ZDHHC8: variants seen among roughly 807,000 people sequenced by gnomAD.
ZDHHC8 encodes zDHHC palmitoyltransferase 8.
A neutral mutation model predicts 61.2 loss-of-function variants in ZDHHC8; 24 were observed. That is an observed-to-expected ratio of 0.39 (90% CI 0.28 to 0.55). The LOEUF (loss-of-function observed/expected upper bound fraction) is 0.55, where lower values mean the gene tolerates loss of function less well. Among genes scored for constraint, ZDHHC8 ranks in the 20% least tolerant of loss-of-function variants. The pLI is 0.60. For missense variants in ZDHHC8, 935 were observed against 1,102.1 expected (o/e 0.85, Z 2.15); for synonymous variants, 523 against 492.5 (o/e 1.06, Z -0.82).
chr22:20,142,960 G>A lies in ZDHHC8; in HGVS notation c.1330G>A (p.Asp444Asn), dbSNP rs752614004. The change falls in exon 10 of 11, where the codon GAT becomes AAT. Residue 444 changes from aspartate to asparagine, a missense_variant. Physicochemically the swap from Asp to Asn is conservative, Grantham distance 23 (BLOSUM62 1). This residue lies in a region of ZDHHC8 where 692 missense variants were observed against 731.4 expected (regional missense o/e 0.95). Coordinates refer to ENST00000334554, the MANE Select transcript of ZDHHC8 (RefSeq NM_013373.4). ...CAAGGCCTCGAGCCGGCGGGGCGGG[G>A]ATCATGTGGCCCTGCAGCCCCTGCG... ...SLKASSRRGG[D>N]HVALQPLRSE... The A allele has an allele frequency of 5.6e-6, 9 of 1,601,642 alleles. No individual in the cohort carries two copies. Among genetic ancestry groups the A allele is most frequent in the South Asian group, 1.1e-5 (1 of 90,346 alleles).
At position 20,139,791 on chromosome 22, in the gene ZDHHC8, C is replaced by T. The variant is rs774860100; in HGVS notation, c.456C>T (p.Phe152=). 9.5e-5 allele frequency: 153 copies of T among 1,613,160 alleles called. 1 individual carries two copies. The highest frequency in any genetic ancestry group is 1.6e-4 in the Middle Eastern group (1 of 6,084). Residue 152 remains phenylalanine (F), a synonymous_variant, in exon 4 of 11, where the codon TTC becomes TTT. Coordinates refer to ENST00000334554, the MANE Select transcript of ZDHHC8 (RefSeq NM_013373.4). ...GRRNYRYFFL[F]LLSLSAHMVG... Reference sequence around the variant, plus strand: ...GAAACTATCGCTACTTCTTCCTGTTCCTGCTGTCACTCAGTGCACACATGG... The same window carrying T: ...GAAACTATCGCTACTTCTTCCTGTTTCTGCTGTCACTCAGTGCACACATGG...
intron 1 of ZDHHC8, among the ~76,000 whole-genome samples, chr22:20,132,446 G>A (rs2050385140): frequency 6.6e-6 from 1 of 152,248 alleles, no homozygotes; most frequent in Non-Finnish European, 1.5e-5. Context: ...TCTGCAGGTG[G>A]CCGTGGGTGC....
In ZDHHC8 at chr22:20,134,778, G is replaced by T. The variant is rs560150866; in HGVS notation, c.104+2727G>T. On this transcript the variant is annotated intron_variant, in intron 1 of 10. Transcript: ENST00000334554. The stretch of plus-strand genomic sequence containing the variant: ...CCCTCCCTCAGCCAGATCGCCAAGG[G>T]TCTTGGGACCAGCAGGACATTCACA... Among the ~76,000 whole-genome samples, 6 of 152,328 alleles carry T rather than the reference G, an allele frequency of 3.9e-5. No homozygotes were observed. The East Asian group carries it at 7.7e-4, about 20-fold the overall frequency.
intron 10 of ZDHHC8, among the ~76,000 whole-genome samples, chr22:20,144,663 G>T (rs1269807734): frequency 6.6e-6 from 1 of 152,218 alleles, no homozygotes; most frequent in Non-Finnish European, 1.5e-5. Flanking sequence ...TGGGGAGGAG[G>T]CTGCCACTGG....
At position 20,146,082 on chromosome 22, in the gene ZDHHC8, G is replaced by C. The variant is rs1391946002; in HGVS notation, c.*682G>C. On this transcript the variant is annotated 3_prime_UTR_variant, in exon 11 of 11. Transcript: ENST00000334554. ...TGTCTGATGTGTCAGTGCTCCGGCC[G>C]CCGCTGTCCCTTTCATCAAAGCCTT... is the stretch of plus-strand genomic sequence containing the variant. 1 of 985,844 alleles carries C rather than the reference G, an allele frequency of 1.0e-6. No homozygotes were observed. The highest frequency in any genetic ancestry group is 1.1e-4 in the East Asian group (1 of 8,820). 61.1% of individuals were successfully genotyped at this position (985,844 alleles called of 1,614,324 possible).
At chr22:20,141,577 C>T (rs984485069) in intron 9 of ZDHHC8, 47 bp downstream of exon 9, 74 of 1,510,236 alleles carry the variant, frequency 4.9e-5, no homozygotes, top group South Asian at 1.4e-4. Flanking sequence ...CCCCCAGGCC[C>T]GCCTCTAGGA....
rs117932593 is a variant in ZDHHC8, at chr22:20,142,355, T to C, written c.1126-401T>C. On this transcript the variant is annotated intron_variant, in intron 9 of 10. Transcript: ENST00000334554. Reference sequence around the variant, plus strand: ...ATTGGGTCTGGTTGGCCAAGTGCATTGAGCCCACATTTGCCCTGATCCACT... The same window carrying C: ...ATTGGGTCTGGTTGGCCAAGTGCATCGAGCCCACATTTGCCCTGATCCACT... 9.8e-4 allele frequency among the ~76,000 whole-genome samples: 149 copies of C among 152,296 alleles called. 1 individual carries two copies. The East Asian group carries it at 0.027, about 28-fold the overall frequency.
chr22:20,134,641 C>T (rs1184293183), intron 1 of ZDHHC8, among the ~76,000 whole-genome samples: 1 of 152,266 alleles, frequency 6.6e-6, no homozygotes, highest in Non-Finnish European at 1.5e-5. Context: ...CCCCTCTCTG[C>T]ACTCAGTAAA....
intron 10 of ZDHHC8, 86 bp downstream of exon 10, chr22:20,143,842 A>G (rs2050498470): frequency 7.0e-7 from 1 of 1,438,666 alleles, no homozygotes; most frequent in Non-Finnish European, 9.2e-7. Context: ...GGGCACTCAT[A>G]GGTCATCCCA....
chr22:20,140,315 C>T, intron 5 of ZDHHC8, 98 bp downstream of exon 5: 1 of 1,245,732 alleles, frequency 8.0e-7, no homozygotes, highest in African/African-American at 1.5e-5. Flanking sequence ...CCTGAGGTAG[C>T]TTGTGCAGCT....
intron 10 of ZDHHC8, among the ~76,000 whole-genome samples, 166 bp from the exon 11 acceptor site, chr22:20,145,063 C>G (rs1366285176): frequency 1.3e-5 from 2 of 152,200 alleles, no homozygotes; most frequent in African/African-American, 2.4e-5. Context: ...CACCTGCTTT[C>G]CAGGTGAACC....
chr22:20,145,644 G>A lies in ZDHHC8; in HGVS notation c.*244G>A. The A allele has an allele frequency of 8.6e-7, 1 of 1,156,794 alleles. No individual in the cohort carries two copies. The highest frequency in any genetic ancestry group is 1.6e-5 in the African/African-American group (1 of 62,476). 71.7% of individuals were successfully genotyped at this position (1,156,794 alleles called of 1,614,324 possible). A position where few individuals can be genotyped will look rare whatever the true frequency, so the allele number is the denominator to read the frequency against. ...GGGCCACTGGGCTGGTCTGTGTCTG[G>A]GCCTGTCCCATGGCTGGGGCAGTGA... is the stretch of plus-strand genomic sequence containing the variant. On this transcript the variant is annotated 3_prime_UTR_variant, in exon 11 of 11. Transcript: ENST00000334554.
At chr22:20,143,825 C>T in intron 10 of ZDHHC8, 69 bp downstream of exon 10, 1 of 1,498,758 alleles carries the variant, frequency 6.7e-7, no homozygotes, top group South Asian at 1.3e-5. Context: ...CAGGGCCCCT[C>T]TTGGCTGGGC....
chr22:20,140,948 G>A lies in ZDHHC8; in HGVS notation c.830G>A (p.Arg277Gln), dbSNP rs760805760. 1.1e-5 allele frequency: 18 copies of A among 1,609,922 alleles called. No homozygotes were observed. Among genetic ancestry groups the A allele is most frequent in the South Asian group, 4.4e-5 (4 of 91,088 alleles). The change falls in exon 7 of 11, where the codon CGA becomes CAA. Residue 277 changes from arginine (R) to glutamine (Q), a missense_variant. Coordinates refer to ENST00000334554, the MANE Select transcript of ZDHHC8 (RefSeq NM_013373.4). ...TTCCTTAGGCCTGAACTCCTGGACC[G>A]AGCTGCACCGCTCAAGGTCAAGCTT... is the stretch of plus-strand genomic sequence containing the variant. Reference protein sequence around the residue: ...PPFLRPELLDRAAPLKVKLSD... With the variant: ...PPFLRPELLDQAAPLKVKLSD...
chr22:20,145,010 C>T (rs2050508367), intron 10 of ZDHHC8, among the ~76,000 whole-genome samples: 1 of 152,140 alleles, frequency 6.6e-6, no homozygotes, highest in South Asian at 2.1e-4. Flanking sequence ...ATCTGTCTGT[C>T]CTGTGACAGC....
rs966296109 is a variant in ZDHHC8 at position 20,146,596 on chromosome 22, C to T, written c.*1196C>T. On this transcript the variant is annotated 3_prime_UTR_variant, in exon 11 of 11. Coordinates refer to ENST00000334554, the MANE Select transcript of ZDHHC8 (RefSeq NM_013373.4). ...GTGGGTTCCTCAGGGGCATTTCTGCCGACTTGGGCTGAGTCAGAGGCTTGG... is the reference window on the plus strand; with the variant it reads ...GTGGGTTCCTCAGGGGCATTTCTGCTGACTTGGGCTGAGTCAGAGGCTTGG... 164 of 997,948 alleles carry T rather than the reference C, an allele frequency of 1.6e-4. No homozygotes were observed. The African/African-American group carries it at 2.5e-3, about 15-fold the overall frequency. 61.8% of individuals were successfully genotyped at this position (997,948 alleles called of 1,614,324 possible). A position where few individuals can be genotyped will look rare whatever the true frequency, so the allele number is the denominator to read the frequency against.
Position 20,146,950 on chromosome 22 carries a change from G to A in ZDHHC8, c.*1550G>A, listed in dbSNP as rs965737181. The A allele has an allele frequency of 9.5e-6, 13 of 1,363,002 alleles. No homozygotes were observed. The highest frequency in any genetic ancestry group is 9.2e-5 in the African/African-American group (6 of 64,948). The allele number at this position is 1,363,002 out of a possible 1,614,324, so 84.4% of individuals were successfully genotyped here. A position where few individuals can be genotyped will look rare whatever the true frequency, so the allele number is the denominator to read the frequency against. On this transcript the variant is annotated 3_prime_UTR_variant, in exon 11 of 11. Coordinates refer to ENST00000334554, the MANE Select transcript of ZDHHC8 (RefSeq NM_013373.4). ...CTGGGGCTGTCCCAGCGTGGGAGGCGTGCGGGCTGTAGGGCCCCGAAGCTG... is the reference window on the plus strand; with the variant it reads ...CTGGGGCTGTCCCAGCGTGGGAGGCATGCGGGCTGTAGGGCCCCGAAGCTG...
At chr22:20,132,680 A>G (rs1049905667) in intron 1 of ZDHHC8, among the ~76,000 whole-genome samples, 3 of 152,224 alleles carry the variant, frequency 2.0e-5, no homozygotes, top group African/African-American at 7.2e-5. Flanking sequence ...TGGGCTGGCC[A>G]TGGTGCACAC....
At chr22:20,140,360 C>G in intron 5 of ZDHHC8, 143 bp downstream of exon 5, 1 of 892,448 alleles carries the variant, frequency 1.1e-6, no homozygotes, top group Non-Finnish European at 1.7e-6. Flanking sequence ...GAGACCCCCA[C>G]GTGGGGCTAC....
Sources: allele counts gnomAD v4.1 joint callset (sites outside exome capture counted in the v4.1 genomes callset), GRCh38; gene constraint gnomAD v4.1.1; regional missense constraint gnomAD v4.1.1; transcripts MANE v1.5; gene names NCBI Gene and HGNC (gene_info 2026-07-23, HGNC 2026-07-21).